The following DRD2 variants were observed in gnomAD, a reference collection of about 807,000 sequenced individuals.
DRD2 encodes D(2) dopamine receptor.
A neutral mutation model predicts 38.0 loss-of-function variants in DRD2; 8 were observed. The observed-to-expected ratio is 0.21, with a 90% CI of 0.12 to 0.38. The LOEUF (loss-of-function observed/expected upper bound fraction) is 0.38, where lower values mean the gene tolerates loss of function less well. Ranked by LOEUF, DRD2 falls within the 10% of genes least tolerant of loss-of-function variation. DRD2 has a pLI of 1.00. For missense variants in DRD2, 403 were observed against 607.7 expected, an observed-to-expected ratio of 0.66 and a Z score of 3.54; for synonymous variants, 230 against 238.6, an observed-to-expected ratio of 0.96 and a Z score of 0.33.
chr11:113,424,628 C>T lies in DRD2; in HGVS notation c.24G>A (p.Trp8Ter). 1 of 1,614,140 alleles carries T rather than the reference C, an allele frequency of 6.2e-7. No homozygotes were observed. Among genetic ancestry groups the T allele is most frequent in the Non-Finnish European group, 8.5e-7 (1 of 1,180,030 alleles). Residue 8 changes from tryptophan to a stop codon, truncating the protein, a stop_gained, in exon 2 of 8, where the codon TGG becomes TGA. Coordinates refer to ENST00000362072, the MANE Select transcript of DRD2 (RefSeq NM_000795.4). LOFTEE classifies it high-confidence loss of function. MDPLNLS[W>*]YDDDLERQNW... ...TCTGCCTCTCCAGATCATCATCATA[C>T]CAGGACAGATTCAGTGGATCCATCA... is the stretch of plus-strand genomic sequence containing the variant.
At chr11:113,443,889 C>T (rs1035123862) in intron 1 of DRD2, among the ~76,000 whole-genome samples, 1 of 152,022 alleles carries the variant, frequency 6.6e-6, no homozygotes. Context: ...TAAGCGTCTA[C>T]ACTATATCAT....
At chr11:113,426,463 T>C (rs1125394) in intron 1 of DRD2, among the ~76,000 whole-genome samples, 29,080 of 152,154 alleles carry the variant, frequency 0.19, 3,154 homozygotes, top group East Asian at 0.42. Flanking sequence ...CATTCCAAGG[T>C]GTTTCATACA....
intron 1 of DRD2, among the ~76,000 whole-genome samples, chr11:113,441,595 C>T (rs990492078): frequency 1.3e-5 from 2 of 152,122 alleles, no homozygotes; most frequent in Non-Finnish European, 2.9e-5. Context: ...AAGCTGGGGT[C>T]GTCCAGATAG....
At chr11:113,460,074 C>A (rs1951303358) in intron 1 of DRD2, among the ~76,000 whole-genome samples, 1 of 152,244 alleles carries the variant, frequency 6.6e-6, no homozygotes, top group Non-Finnish European at 1.5e-5. Flanking sequence ...CATTCTATTA[C>A]ATTTTCCTGG....
intron 1 of DRD2, among the ~76,000 whole-genome samples, chr11:113,452,465 TGTGTGCGCGC>T (rs1453377926): frequency 9.2e-4 from 82 of 89,596 alleles, no homozygotes; most frequent in African/African-American, 2.9e-3. Flanking sequence ...TGTGTGTGTG[TGTGTGCGCGC>T]GCGCGCGCGC....
intron 1 of DRD2, among the ~76,000 whole-genome samples, chr11:113,474,633 C>T (rs1444098292): frequency 6.6e-6 from 1 of 152,122 alleles, no homozygotes; most frequent in Non-Finnish European, 1.5e-5. Flanking sequence ...AAAAACAGCC[C>T]TTCTTCCTCC....
At chr11:113,438,422 G>C (rs531143777) in intron 1 of DRD2, among the ~76,000 whole-genome samples, 113 of 152,288 alleles carry the variant, frequency 7.4e-4, no homozygotes, top group African/African-American at 2.7e-3. Context: ...TCATTACAAG[G>C]TTGCAACAGC....
chr11:113,464,003 G>A (rs1565679586), intron 1 of DRD2, among the ~76,000 whole-genome samples: 1 of 152,134 alleles, frequency 6.6e-6, no homozygotes, highest in Non-Finnish European at 1.5e-5. Context: ...GGTTACAGGT[G>A]GCACACTGGG....
At chr11:113,437,024 A>T (rs1036779464) in intron 1 of DRD2, among the ~76,000 whole-genome samples, 1 of 152,132 alleles carries the variant, frequency 6.6e-6, no homozygotes, top group Non-Finnish European at 1.5e-5. Flanking sequence ...CTTTGGCCTA[A>T]TAAGTCATGT....
intron 1 of DRD2, among the ~76,000 whole-genome samples, chr11:113,464,944 C>T (rs535013309): frequency 1.1e-4 from 16 of 152,224 alleles, no homozygotes; most frequent in East Asian, 3.9e-4. Context: ...TGAGTTCTGG[C>T]GAATTTAAGA....
intron 1 of DRD2, among the ~76,000 whole-genome samples, chr11:113,461,538 G>A (rs1329751713): frequency 1.3e-5 from 2 of 152,108 alleles, no homozygotes; most frequent in South Asian, 2.1e-4. Context: ...TGGAGATGAG[G>A]GATCCCCCAA....
intron 1 of DRD2, among the ~76,000 whole-genome samples, chr11:113,445,638 C>T (rs1034171579): frequency 4.6e-5 from 7 of 152,132 alleles, no homozygotes; most frequent in African/African-American, 1.7e-4. Context: ...GTGCTGACTG[C>T]GCATGCAAGG....
At chr11:113,423,894 A>G (rs1188532679) in intron 2 of DRD2, among the ~76,000 whole-genome samples, 1 of 152,162 alleles carries the variant, frequency 6.6e-6, no homozygotes, top group East Asian at 1.9e-4. Context: ...TGAAGGTTTC[A>G]GGGGCCTGGG....
At chr11:113,416,751 TC>T (rs1950831579) in intron 4 of DRD2, 111 bp downstream of exon 4, 1 of 1,471,976 alleles carries the variant, frequency 6.8e-7, no homozygotes, top group East Asian at 2.5e-5. Flanking sequence ...GTGATAGGCC[TC>T]CATTGGGCCT....
Position 113,415,577 on chromosome 11 carries a change from G to A in DRD2, c.567C>T (p.Phe189=), listed in dbSNP as rs771849191. The change falls in exon 5 of 8, where the codon TTC becomes TTT. Residue 189 remains phenylalanine (F), a synonymous_variant. Coordinates refer to ENST00000362072, the MANE Select transcript of DRD2 (RefSeq NM_000795.4). ...QNECIIANPA[F]VVYSSIVSFY... is the part of the protein sequence containing the mutation. Reference sequence around the variant, plus strand: ...AGGAGACGATGGAGGAGTAGACCACGAAGGCCGGGTTGGCAATGATGCACT... The same window carrying A: ...AGGAGACGATGGAGGAGTAGACCACAAAGGCCGGGTTGGCAATGATGCACT... 2.5e-6 allele frequency: 4 copies of A among 1,614,000 alleles called. No individual in the cohort carries two copies. Among genetic ancestry groups the A allele is most frequent in the African/African-American group, 1.3e-5 (1 of 74,934 alleles).
chr11:113,453,376 G>A (rs1255813976), intron 1 of DRD2, among the ~76,000 whole-genome samples: 1 of 152,200 alleles, frequency 6.6e-6, no homozygotes, highest in Non-Finnish European at 1.5e-5. Flanking sequence ...TATGTTGAGT[G>A]AGGATACTGA....
At chr11:113,437,032 T>C (rs1241615813) in intron 1 of DRD2, among the ~76,000 whole-genome samples, 7 of 152,268 alleles carry the variant, frequency 4.6e-5, no homozygotes, top group African/African-American at 7.2e-5. Flanking sequence ...TAATAAGTCA[T>C]GTCCTCTCTT....
intron 1 of DRD2, among the ~76,000 whole-genome samples, chr11:113,473,912 G>A (rs1310587767): frequency 6.6e-6 from 1 of 152,184 alleles, no homozygotes; most frequent in Non-Finnish European, 1.5e-5. Flanking sequence ...GGGGAGAATC[G>A]TTGAACATCT....
intron 1 of DRD2, among the ~76,000 whole-genome samples, chr11:113,451,664 AT>A (rs1477905063): frequency 6.6e-6 from 1 of 151,734 alleles, no homozygotes; most frequent in East Asian, 1.9e-4. Context: ...CTAATTTTGT[AT>A]TTTTAGTAGA....
Sources: gnomAD v4.1 joint callset for allele counts (sites outside exome capture counted in the v4.1 genomes callset) on GRCh38, gnomAD v4.1.1 for gene constraint, MANE v1.5 for transcripts, NCBI Gene and HGNC (gene_info 2026-07-23, HGNC 2026-07-21) for gene names.